CCNE2: variants seen among roughly 807,000 people sequenced by gnomAD.
The protein encoded by CCNE2 is cyclin E2.
Under a neutral mutation model 56.8 loss-of-function variants are expected in CCNE2, and 18 were observed. The ratio of observed to expected loss-of-function variants is 0.32; its 90% CI spans 0.22 to 0.47. CCNE2 has a LOEUF of 0.47. CCNE2 is among the 20% of genes least tolerant of loss of function. The probability of loss-of-function intolerance (pLI) is 1.00; values close to 1 mark genes in which losing one functional copy is unlikely to be tolerated. For synonymous variants in CCNE2, 139 were observed against 149.2 expected (o/e 0.93, Z 0.50); for missense variants, 371 against 467.1 (o/e 0.79, Z 1.90).
chr8:94,882,776 C>G lies in CCNE2; in HGVS notation c.943+5G>C. ...GGTAAGAAGACAACAAATAGAGAGT[C>G]TTACCTGAGGCTTTCTTAACCACTT... On this transcript the variant is annotated splice_donor_5th_base_variant and intron_variant, in intron 10 of 11. Transcript: ENST00000308108. 1 of 1,595,330 alleles carries G rather than the reference C, an allele frequency of 6.3e-7. No homozygotes were observed. The highest frequency in any genetic ancestry group is 8.6e-7 in the Non-Finnish European group (1 of 1,163,048).
chr8:94,893,128 G>A (rs1817305833), intron 4 of CCNE2, among the ~76,000 whole-genome samples, 159 bp from the exon 5 acceptor site: 1 of 152,084 alleles, frequency 6.6e-6, no homozygotes, highest in South Asian at 2.1e-4. Context: ...TTATAAACAA[G>A]CCATATAGCT....
rs754985817 is a variant in CCNE2 at position 94,882,873 on chromosome 8, A to G, written c.851T>C (p.Leu284Pro). ...QIAQLLDLCI[L>P]AIDSLEFQYR... is the part of the protein sequence containing the mutation. ...CTGGAACTCTAATGAATCAATGGCTAGAATACACAGATCTAAAAGCTAACA... is the reference window on the plus strand; with the variant it reads ...CTGGAACTCTAATGAATCAATGGCTGGAATACACAGATCTAAAAGCTAACA... Residue 284 changes from leucine to proline, a missense_variant, in exon 10 of 12, where the codon CTA becomes CCA. Physicochemically the swap from Leu to Pro is moderately conservative, Grantham distance 98. Transcript: ENST00000308108. 4.3e-6 allele frequency: 7 copies of G among 1,610,976 alleles called. No homozygotes were observed. Among genetic ancestry groups the G allele is most frequent in the Non-Finnish European group, 5.1e-6 (6 of 1,177,318 alleles).
At chr8:94,881,886 T>G in intron 11 of CCNE2, 141 bp from the exon 12 acceptor site, 1 of 1,032,810 alleles carries the variant, frequency 9.7e-7, no homozygotes, top group East Asian at 2.5e-5. Flanking sequence ...ATTCTGAAAG[T>G]TTCTGTAACG....
rs766320461 is a variant in CCNE2, at chr8:94,881,647, T to G, written c.1200A>C (p.Pro400=). 2 of 1,613,114 alleles carry G rather than the reference T, an allele frequency of 1.2e-6. No homozygotes were observed. Among genetic ancestry groups the G allele is most frequent in the African/African-American group, 2.7e-5 (2 of 74,846 alleles). Residue 400 remains proline (P), a synonymous_variant, in exon 12 of 12, where the codon CCA becomes CCC. Coordinates refer to ENST00000308108, the MANE Select transcript of CCNE2 (RefSeq NM_057749.3). ...GTTATCTTCTTTAGTGTTTTCCTGG[T>G]GGTTTTTCAGTGCTCTTCGGTGGTG... The part of the protein sequence containing the change: ...IMTPPKSTEK[P]PGKH
chr8:94,884,071 CT>C (rs1816937009), intron 9 of CCNE2: 1 of 304,446 alleles, frequency 3.3e-6, no homozygotes, highest in African/African-American at 2.2e-5. Flanking sequence ...AAAAATTAAG[CT>C]TTTAATAAAA....
chr8:94,882,939 A>G, intron 9 of CCNE2, 47 bp from the exon 10 acceptor site: 1 of 1,220,642 alleles, frequency 8.2e-7, no homozygotes, highest in East Asian at 2.3e-5. Context: ...AAAGATGAGT[A>G]CTAAATGTCT....
At position 94,882,282 on chromosome 8, in the gene CCNE2, C is replaced by T; in HGVS notation, c.951G>A (p.Glu317=). The change falls in exon 11 of 12, where the codon GAG becomes GAA. Residue 317 remains glutamate, a synonymous_variant. Transcript: ENST00000308108. ...CTACACATTCTGAAATACTGTCCCA[C>T]TCCAAACCTAGATAGATAGAAAAAA... The part of the protein sequence containing the change: ...IEVVKKASGL[E]WDSISECVDW... 1 of 1,602,978 alleles carries T rather than the reference C, an allele frequency of 6.2e-7. No homozygotes were observed. Among genetic ancestry groups the T allele is most frequent in the South Asian group, 1.1e-5 (1 of 89,102 alleles).
At position 94,885,573 on chromosome 8, in the gene CCNE2, A is replaced by G. The variant is rs368534515; in HGVS notation, c.601-15T>C. 95 of 1,440,530 alleles carry G rather than the reference A, an allele frequency of 6.6e-5. No homozygotes were observed. The highest frequency in any genetic ancestry group is 8.6e-5 in the Non-Finnish European group (89 of 1,030,004). 89.2% of individuals were successfully genotyped at this position (1,440,530 alleles called of 1,614,324 possible). Reference sequence around the variant, plus strand: ...GCATAGATTTCCTTTAAATTGTAATATTTTTATTGAGTACAATTGAGATAG... The same window carrying G: ...GCATAGATTTCCTTTAAATTGTAATGTTTTTATTGAGTACAATTGAGATAG... On this transcript the variant is annotated splice_polypyrimidine_tract_variant and intron_variant, in intron 7 of 11. Transcript: ENST00000308108.
chr8:94,888,781 C>T (rs1187702730), intron 6 of CCNE2, among the ~76,000 whole-genome samples: 1 of 152,218 alleles, frequency 6.6e-6, no homozygotes, highest in Non-Finnish European at 1.5e-5. Context: ...CTGCCTCAGT[C>T]TCCCAAAGTG....
chr8:94,886,436 G>T (rs376432217), intron 7 of CCNE2, among the ~76,000 whole-genome samples: 1 of 152,200 alleles, frequency 6.6e-6, no homozygotes, highest in Non-Finnish European at 1.5e-5. Context: ...GTGCAGTGCA[G>T]CAGCTCACAC....
chr8:94,890,968 G>A (rs1020339265), intron 5 of CCNE2, among the ~76,000 whole-genome samples: 1 of 152,054 alleles, frequency 6.6e-6, no homozygotes, highest in Non-Finnish European at 1.5e-5. Context: ...TCAACTTTCA[G>A]ACATTGAAAT....
intron 9 of CCNE2, chr8:94,883,827 A>G (rs2131099987): frequency 4.4e-6 from 2 of 454,516 alleles, no homozygotes; most frequent in South Asian, 1.6e-5. Flanking sequence ...AAAGGGGTAG[A>G]TTTCACAGAT....
In CCNE2 at chr8:94,882,290, CTAGA is replaced by C. The variant is rs749837679; in HGVS notation, c.944-5_944-2del. 9 of 1,585,154 alleles carry C rather than the reference CTAGA, an allele frequency of 5.7e-6. No homozygotes were observed. The highest frequency in any genetic ancestry group is 1.7e-4 in the Middle Eastern group (1 of 5,956). ...TCTGAAATACTGTCCCACTCCAAAC[CTAGA>C]TAGATAGAAAAAAGTTAGAAAAGCA... On this transcript the variant is annotated splice_acceptor_variant and splice_polypyrimidine_tract_variant and intron_variant, in intron 10 of 11. Coordinates refer to ENST00000308108, the MANE Select transcript of CCNE2 (RefSeq NM_057749.3). LOFTEE classifies it high-confidence loss of function.
rs1371540924 is a variant in CCNE2, at chr8:94,881,764, C to G, written c.1102-19G>C. On this transcript the variant is annotated intron_variant, in intron 11 of 11. Coordinates refer to ENST00000308108, the MANE Select transcript of CCNE2 (RefSeq NM_057749.3). ...CTTCCTCCTATACATGGGAAGAAATCATGCACTGATTTCATAAATCAAAGT... is the reference window on the plus strand; with the variant it reads ...CTTCCTCCTATACATGGGAAGAAATGATGCACTGATTTCATAAATCAAAGT... 1 of 1,612,292 alleles carries G rather than the reference C, an allele frequency of 6.2e-7. No homozygotes were observed. The highest frequency in any genetic ancestry group is 1.3e-5 in the African/African-American group (1 of 74,912).
At chr8:94,891,302 CTT>C (rs1230121068) in intron 5 of CCNE2, 1 of 220,628 alleles carries the variant, frequency 4.5e-6, no homozygotes, top group East Asian at 1.1e-4. Flanking sequence ...AGGTTCAAAT[CTT>C]TGTGTTCACT....
intron 3 of CCNE2, 30 bp from the exon 4 acceptor site, chr8:94,893,974 T>G: frequency 6.2e-7 from 1 of 1,613,706 alleles, no homozygotes; most frequent in African/African-American, 1.3e-5. Context: ...ATTGGTAAAC[T>G]AAAGTCCCAG....
chr8:94,896,193 G>A (rs1817543960), upstream of CCNE2, among the ~76,000 whole-genome samples: 1 of 151,374 alleles, frequency 6.6e-6, no homozygotes, highest in Non-Finnish European at 1.5e-5. Flanking sequence ...TGAGCGCGGT[G>A]GTCCCCGGGG....
At chr8:94,882,005 A>T in intron 11 of CCNE2, 127 bp downstream of exon 11, 1 of 993,154 alleles carries the variant, frequency 1.0e-6, no homozygotes, top group East Asian at 2.5e-5. Flanking sequence ...TACATTTTGA[A>T]ATCAGTGTGC....
At chr8:94,884,394 T>C (rs28399577) in intron 9 of CCNE2, among the ~76,000 whole-genome samples, 5,101 of 151,724 alleles carry the variant, frequency 0.034, 91 homozygotes, top group Non-Finnish European at 0.04. Context: ...TTGCTCAGGC[T>C]GGAGTGCAGT....
Sources: allele counts gnomAD v4.1 joint callset (sites outside exome capture counted in the v4.1 genomes callset), GRCh38; gene constraint gnomAD v4.1.1; transcripts MANE v1.5; gene names NCBI Gene and HGNC (gene_info 2026-07-23, HGNC 2026-07-21).